The following CELF4 variants were observed in gnomAD, a reference collection of about 807,000 sequenced individuals.
CELF4 encodes CUG-BP- and ETR-3-like factor 4.
Under a neutral mutation model 59.9 loss-of-function variants are expected in CELF4, and 18 were observed. That is an observed-to-expected ratio of 0.30 (90% CI 0.21 to 0.45). The LOEUF is 0.45. CELF4 is among the 20% of genes least tolerant of loss of function. The pLI, the probability that CELF4 is intolerant of heterozygous loss-of-function variation, is 1.00. For synonymous variants in CELF4, 261 were observed against 267.1 expected, an observed-to-expected ratio of 0.98 and a Z score of 0.22; for missense variants, 456 against 689.0, an observed-to-expected ratio of 0.66 and a Z score of 3.79.
At chr18:37,292,739 G>A (rs1164612887) in intron 3 of CELF4, among the ~76,000 whole-genome samples, 1 of 152,182 alleles carries the variant, frequency 6.6e-6, no homozygotes, top group African/African-American at 2.4e-5. Context: ...GTAATAACTT[G>A]ATCCTGTGTT....
At chr18:37,328,266 A>C (rs966042687) in intron 2 of CELF4, among the ~76,000 whole-genome samples, 3 of 152,192 alleles carry the variant, frequency 2.0e-5, no homozygotes, top group African/African-American at 7.2e-5. Flanking sequence ...ATCATGAAAG[A>C]AATCTGCAAG....
intron 2 of CELF4, among the ~76,000 whole-genome samples, chr18:37,328,173 G>A (rs2097394347): frequency 6.6e-6 from 1 of 152,230 alleles, no homozygotes; most frequent in East Asian, 1.9e-4. Context: ...GTACGTGTGT[G>A]CAACTGATTA....
At chr18:37,388,657 G>A (rs1426927575) in intron 2 of CELF4, among the ~76,000 whole-genome samples, 1 of 152,118 alleles carries the variant, frequency 6.6e-6, no homozygotes, top group African/African-American at 2.4e-5. Flanking sequence ...TGGGCCATAC[G>A]AGAAGTAGTT....
At chr18:37,560,970 C>T (rs992445101) in intron 1 of CELF4, among the ~76,000 whole-genome samples, 5 of 152,244 alleles carry the variant, frequency 3.3e-5, no homozygotes, top group African/African-American at 7.2e-5. Context: ...CTCTTTCACA[C>T]AGCTAAACCC....
rs191823822 is a variant in CELF4 at position 37,425,306 on chromosome 18, T to C, written c.369+60219A>G. Among the ~76,000 whole-genome samples the C allele has an allele frequency of 1.2e-4, 18 of 152,352 alleles. No homozygotes were observed. The East Asian group carries it at 3.5e-3, about 29-fold the overall frequency. On this transcript the variant is annotated intron_variant, in intron 2 of 12. Coordinates refer to ENST00000420428, the MANE Select transcript of CELF4 (RefSeq NM_020180.4). ...GGTTGAAATAGGGATGCTGTGTACG[T>C]GTCCATTAATGTATCTGCTTTGGAA...
intron 1 of CELF4, among the ~76,000 whole-genome samples, chr18:37,561,911 G>A (rs576075438): frequency 6.6e-6 from 1 of 152,206 alleles, no homozygotes; most frequent in South Asian, 2.1e-4. Flanking sequence ...GCTCTAATAG[G>A]GGAGAAAAGA....
intron 1 of CELF4, among the ~76,000 whole-genome samples, chr18:37,491,424 A>G (rs1438208655): frequency 6.6e-6 from 1 of 152,052 alleles, no homozygotes; most frequent in Non-Finnish European, 1.5e-5. Flanking sequence ...TATTTACTTA[A>G]TCCCTTCCAT....
At chr18:37,304,956 T>C (rs1056182153) in intron 3 of CELF4, among the ~76,000 whole-genome samples, 1 of 152,012 alleles carries the variant, frequency 6.6e-6, no homozygotes, top group African/African-American at 2.4e-5. Context: ...AGGAATAGGG[T>C]TCCCAGGTGG....
At chr18:37,339,346 C>T (rs1229995513) in intron 2 of CELF4, among the ~76,000 whole-genome samples, 2 of 152,204 alleles carry the variant, frequency 1.3e-5, no homozygotes, top group Non-Finnish European at 2.9e-5. Context: ...TGGCTTGCGC[C>T]TGGAGGAAGG....
intron 2 of CELF4, among the ~76,000 whole-genome samples, chr18:37,395,609 T>C (rs1308241393): frequency 6.6e-6 from 1 of 152,176 alleles, no homozygotes; most frequent in African/African-American, 2.4e-5. Context: ...GGGTGGATGC[T>C]AGGGTCCCCA....
chr18:37,408,495 G>C lies in CELF4; in HGVS notation c.369+77030C>G, dbSNP rs1275502985. On this transcript the variant is annotated intron_variant, in intron 2 of 12. Coordinates refer to ENST00000420428, the MANE Select transcript of CELF4 (RefSeq NM_020180.4). ...TTTTTCCCCCTTTGGTTGGTGCCGG[G>C]GGGGGGCGCGGTGCAGGAGGATGTG... is the stretch of plus-strand genomic sequence containing the variant. Among the ~76,000 whole-genome samples the C allele has an allele frequency of 1.6e-4, 20 of 122,154 alleles. 1 individual carries two copies. Among genetic ancestry groups the C allele is most frequent in the African/African-American group, 4.8e-4 (16 of 33,168 alleles). 80.1% of individuals were successfully genotyped at this position (122,154 alleles called of 152,430 possible).
chr18:37,519,213 C>A (rs2099954294), intron 1 of CELF4, among the ~76,000 whole-genome samples: 1 of 152,178 alleles, frequency 6.6e-6, no homozygotes, highest in Non-Finnish European at 1.5e-5. Context: ...AAATTTCTAA[C>A]AGCCATGACC....
At chr18:37,252,408 A>T (rs1025664585) in intron 12 of CELF4, among the ~76,000 whole-genome samples, 1 of 151,922 alleles carries the variant, frequency 6.6e-6, no homozygotes, top group East Asian at 1.9e-4. Context: ...GGGTGACCCC[A>T]CTGAAATGCA....
intron 2 of CELF4, among the ~76,000 whole-genome samples, chr18:37,481,321 C>G (rs1035113179): frequency 6.6e-6 from 1 of 152,172 alleles, no homozygotes; most frequent in Non-Finnish European, 1.5e-5. Context: ...CTCCTACTGG[C>G]TGGACCCAGC....
At chr18:37,309,219 C>T (rs73425286) in intron 3 of CELF4, among the ~76,000 whole-genome samples, 6,017 of 152,174 alleles carry the variant, frequency 0.04, 387 homozygotes, top group African/African-American at 0.14. Flanking sequence ...AGCACAGATC[C>T]GAGGGAGGAC....
chr18:37,347,715 T>A (rs2098315115), intron 2 of CELF4, among the ~76,000 whole-genome samples: 1 of 151,852 alleles, frequency 6.6e-6, no homozygotes, highest in Admixed American at 6.6e-5. Context: ...GGGTGCCAAA[T>A]CCAGGGTACC....
At chr18:37,416,157 G>T (rs1317624970) in intron 2 of CELF4, among the ~76,000 whole-genome samples, 2 of 151,866 alleles carry the variant, frequency 1.3e-5, no homozygotes, top group African/African-American at 4.8e-5. Flanking sequence ...GAGCCCAGTG[G>T]TCCCTTGGGG....
At chr18:37,296,614 C>G (rs1218705976) in intron 3 of CELF4, among the ~76,000 whole-genome samples, 2 of 152,178 alleles carry the variant, frequency 1.3e-5, no homozygotes, top group Non-Finnish European at 2.9e-5. Context: ...ACATGCAACT[C>G]CGGCCTTGTC....
chr18:37,534,318 C>T (rs1403848078), intron 1 of CELF4, among the ~76,000 whole-genome samples: 2 of 152,096 alleles, frequency 1.3e-5, no homozygotes, highest in African/African-American at 2.4e-5. Flanking sequence ...CTGGCTTGGG[C>T]AGAAGGTGTC....
Sources: allele counts gnomAD v4.1 joint callset (sites outside exome capture counted in the v4.1 genomes callset), GRCh38; gene constraint gnomAD v4.1.1; transcripts MANE v1.5; gene names NCBI Gene and HGNC (gene_info 2026-07-23, HGNC 2026-07-21).